PXYLP1: variants seen among roughly 807,000 people sequenced by gnomAD.
The protein encoded by PXYLP1 is 2-phosphoxylose phosphatase 1.
A neutral mutation model predicts 37.9 loss-of-function variants in PXYLP1; 17 were observed. The ratio of observed to expected loss-of-function variants is 0.45; its 90% CI spans 0.31 to 0.67. PXYLP1 has a LOEUF of 0.67. Among genes scored for constraint, PXYLP1 ranks in the 30% least tolerant of loss-of-function variants. The pLI is 0.07. For missense variants in PXYLP1, 511 were observed against 612.0 expected, an observed-to-expected ratio of 0.84 and a Z score of 1.74; for synonymous variants, 221 against 232.2, an observed-to-expected ratio of 0.95 and a Z score of 0.44.
chr3:141,238,640 CATGGCCCCCCACA>C (rs1357069696), intron 1 of PXYLP1, among the ~76,000 whole-genome samples: 3 of 151,810 alleles, frequency 2.0e-5, no homozygotes, highest in African/African-American at 7.3e-5. Flanking sequence ...TTCCCCCCAC[CATGGCCCCCCACA>C]GTTGAAAATC....
rs142789207 is a variant in PXYLP1, at chr3:141,273,862, T to C, written c.80-4480T>C. Reference sequence around the variant, plus strand: ...CAGAGTTAATCATCAGTAAAAGATATCTCGTATCCTGTTATTCGTGTTGGT... The same window carrying C: ...CAGAGTTAATCATCAGTAAAAGATACCTCGTATCCTGTTATTCGTGTTGGT... On this transcript the variant is annotated intron_variant, in intron 2 of 5. Transcript: ENST00000286353. 1.1e-3 allele frequency: 1,094 copies of C among 985,310 alleles called. 12 individuals are homozygous for C. In the South Asian group the frequency reaches 0.027, roughly 25 times the overall value. The allele number at this position is 985,310 out of a possible 1,614,324, so 61.0% of individuals were successfully genotyped here. A position where few individuals can be genotyped will look rare whatever the true frequency, so the allele number is the denominator to read the frequency against.
At chr3:141,284,591 A>T (rs1468005345) in intron 4 of PXYLP1, among the ~76,000 whole-genome samples, 1 of 152,198 alleles carries the variant, frequency 6.6e-6, no homozygotes. Flanking sequence ...TGAGATGCTC[A>T]AGTCCCTTAT....
chr3:141,253,475 T>C (rs552182110), intron 1 of PXYLP1, among the ~76,000 whole-genome samples: 2 of 152,292 alleles, frequency 1.3e-5, no homozygotes, highest in East Asian at 3.9e-4. Context: ...TCTGTTTTCC[T>C]AAAATTCAGT....
At chr3:141,287,259 T>C in intron 4 of PXYLP1, 55 bp from the exon 5 acceptor site, 3 of 1,584,266 alleles carry the variant, frequency 1.9e-6, no homozygotes, top group Non-Finnish European at 2.6e-6. Flanking sequence ...AGCTGGAAAC[T>C]GTTTGGATTC....
At chr3:141,267,044 T>A (rs1389166445) in intron 2 of PXYLP1, among the ~76,000 whole-genome samples, 2 of 152,116 alleles carry the variant, frequency 1.3e-5, no homozygotes, top group Non-Finnish European at 2.9e-5. Flanking sequence ...GTTTCGACTC[T>A]TTGCAGGGAC....
chr3:141,288,802 G>A lies in PXYLP1; in HGVS notation c.505+1349G>A, dbSNP rs56357034. Among the ~76,000 whole-genome samples, 18 of 152,108 alleles carry A rather than the reference G, an allele frequency of 1.2e-4. No individual in the cohort carries two copies. In the East Asian group the frequency reaches 2.3e-3, roughly 20 times the overall value. On this transcript the variant is annotated intron_variant, in intron 5 of 5. Coordinates refer to ENST00000286353, the MANE Select transcript of PXYLP1 (RefSeq NM_001037172.3). ...TCCCAGCTACTCAGGTGGCTGAGGC[G>A]GGAGGACCACTTGAGCCCGGGAGGT... is the stretch of plus-strand genomic sequence containing the variant.
intron 2 of PXYLP1, among the ~76,000 whole-genome samples, chr3:141,270,484 C>G (rs949007074): frequency 3.3e-5 from 5 of 152,134 alleles, no homozygotes; most frequent in Admixed American, 3.3e-4. Flanking sequence ...AGAGACAGGG[C>G]GGGCATTTAA....
intron 2 of PXYLP1, chr3:141,262,565 A>G (rs1941416230): frequency 7.9e-7 from 1 of 1,268,014 alleles, no homozygotes; most frequent in East Asian, 2.6e-5. Flanking sequence ...CTCTTCTGAA[A>G]GTACCTTCTG....
At chr3:141,282,173 C>T (rs920963108) in intron 4 of PXYLP1, among the ~76,000 whole-genome samples, 1 of 152,134 alleles carries the variant, frequency 6.6e-6, no homozygotes, top group Non-Finnish European at 1.5e-5. Flanking sequence ...CTCCACTCTC[C>T]TCGTGCTCAC....
At chr3:141,272,899 A>G (rs1280747339) in intron 2 of PXYLP1, 1 of 852,062 alleles carries the variant, frequency 1.2e-6, no homozygotes, top group African/African-American at 1.9e-5. Context: ...CTCCTTTGGC[A>G]GCACACTCAT....
intron 2 of PXYLP1, chr3:141,274,483 C>T: frequency 6.6e-7 from 1 of 1,516,256 alleles, no homozygotes; most frequent in Non-Finnish European, 8.8e-7. Flanking sequence ...TTTTTCAGGC[C>T]CAGCTAGGTG....
chr3:141,262,263 GA>G (rs1268070903), intron 2 of PXYLP1: 1 of 990,742 alleles, frequency 1.0e-6, no homozygotes, highest in African/African-American at 1.7e-5. Flanking sequence ...GAGGTCAAAA[GA>G]AGGTGGGCAT....
intron 2 of PXYLP1, chr3:141,262,108 G>C (rs899597737): frequency 4.9e-6 from 1 of 204,726 alleles, no homozygotes; most frequent in African/African-American, 2.4e-5. Context: ...TCTAGGAGGA[G>C]GTGGTTTCAA....
intron 1 of PXYLP1, among the ~76,000 whole-genome samples, chr3:141,250,001 A>G (rs1274959606): frequency 6.6e-6 from 1 of 152,218 alleles, no homozygotes; most frequent in African/African-American, 2.4e-5. Flanking sequence ...TAGAACATGT[A>G]GTTCACAAAG....
At chr3:141,246,010 G>C (rs1166249355) in intron 1 of PXYLP1, among the ~76,000 whole-genome samples, 1 of 152,218 alleles carries the variant, frequency 6.6e-6, no homozygotes, top group African/African-American at 2.4e-5. Flanking sequence ...GCTGGCTTCA[G>C]ACTCTAGTTC....
chr3:141,279,484 C>A lies in PXYLP1; in HGVS notation c.345C>A (p.Asp115Glu), dbSNP rs1941895448. 6.2e-7 allele frequency: 1 copy of A among 1,614,246 alleles called. No homozygotes were observed. The change falls in exon 4 of 6, where the codon GAC (aspartate) becomes GAA (glutamate). Residue 115 changes from aspartate to glutamate, a missense_variant. Asp to Glu is a conservative substitution (Grantham distance 45). Transcript: ENST00000286353. ...VIPKTKRPEI[D>E]CTLVANRKPY... ...CCAAAACAAAGCGACCAGAAATTGA[C>A]TGCACTCTGGTGGCTAACAGGTAAA...
rs200023218 is a variant in PXYLP1, at chr3:141,287,368, C to T, written c.420C>T (p.Ser140=). The T allele has an allele frequency of 9.3e-6, 15 of 1,614,126 alleles. No individual in the cohort carries two copies. In the East Asian group the frequency reaches 1.1e-4, roughly 12 times the overall value. The change falls in exon 5 of 6, where the codon TCC becomes TCT. Residue 140 remains serine (S), a synonymous_variant. Transcript: ENST00000286353. ...TCATTAGTCACATGTCAAAAGGATCCGGAGCCTCTTTCGAAAGCCCCTTGA... is the reference window on the plus strand; with the variant it reads ...TCATTAGTCACATGTCAAAAGGATCTGGAGCCTCTTTCGAAAGCCCCTTGA... The part of the protein sequence containing the change: ...EAFISHMSKG[S]GASFESPLNS...
At chr3:141,262,710 T>C in intron 2 of PXYLP1, 3 of 1,534,112 alleles carry the variant, frequency 2.0e-6, no homozygotes, top group Non-Finnish European at 2.6e-6. Context: ...ACGTTCTTAC[T>C]GCTCTTCTTT....
Position 141,292,340 on chromosome 3 carries a change from A to T in PXYLP1, c.578A>T (p.Asn193Ile), listed in dbSNP as rs1386667033. The T allele has an allele frequency of 6.2e-7, 1 of 1,614,016 alleles. No homozygotes were observed. Among genetic ancestry groups the T allele is most frequent in the Non-Finnish European group, 8.5e-7 (1 of 1,179,954 alleles). ...IYLKKHKLLP[N>I]DWSADQLYLE... The stretch of plus-strand genomic sequence containing the variant: ...CTAAAGAAACACAAACTCCTGCCCA[A>T]TGATTGGTCTGCAGACCAGCTCTAT... Residue 193 changes from asparagine to isoleucine, a missense_variant, in exon 6 of 6, where the codon AAT becomes ATT. Coordinates refer to ENST00000286353, the MANE Select transcript of PXYLP1 (RefSeq NM_001037172.3). This position sits in a 1 kb window ranked among gnomAD's most constrained non-coding sequence, Gnocchi z 4.3.
Sources: gnomAD v4.1 joint callset for allele counts (sites outside exome capture counted in the v4.1 genomes callset) on GRCh38, gnomAD v4.1.1 for gene constraint, Gnocchi (gnomAD v3.1) non-coding constraint, MANE v1.5 for transcripts, NCBI Gene and HGNC (gene_info 2026-07-23, HGNC 2026-07-21) for gene names.